The following MXRA7 variants were observed in gnomAD, a reference collection of about 807,000 sequenced individuals.
MXRA7 encodes the protein matrix-remodeling-associated protein 7.
In MXRA7, 18 loss-of-function variants were observed where a neutral mutation model predicts 17.4. That is an observed-to-expected ratio of 1.03 (90% CI 0.71 to 1.53). The LOEUF (loss-of-function observed/expected upper bound fraction) is 1.53. Among genes scored for constraint, MXRA7 ranks in the 40% most tolerant of loss-of-function variants. The probability of loss-of-function intolerance (pLI) is 0.00; values close to 1 mark genes in which losing one functional copy is unlikely to be tolerated. For synonymous variants in MXRA7, 70 were observed against 101.7 expected (o/e 0.69, Z 1.87); for missense variants, 141 against 209.3 (o/e 0.67, Z 2.01).
exon 4 of MXRA7, chr17:76,674,374 ATGAG>A (rs932428968): frequency 6.6e-6 from 1 of 152,208 alleles, no homozygotes; most frequent in African/African-American, 2.4e-5. Flanking sequence ...ACAATCTCAG[ATGAG>A]GTAGCAGAAA....
downstream of MXRA7, chr17:76,679,431 AT>A: frequency 5.2e-6 from 1 of 194,108 alleles, no homozygotes; most frequent in Non-Finnish European, 9.4e-6. Context: ...GTGACTGCAT[AT>A]TTTTTAACAG....
chr17:76,688,113 C>T lies in MXRA7; in HGVS notation c.406G>A (p.Gly136Arg), dbSNP rs148321731. ...TCATGAGCGCAGAGGTCCCACTCAC[C>T]GTCCTCCTCCTCAGGCCCTTCCGAT... ...PSSEGPEEED[G>R]EGFSFKYSPG... is the part of the protein sequence containing the mutation. The change falls in exon 2 of 4, where the codon GGA becomes AGA. Residue 136 changes from glycine to arginine, a missense_variant and splice_region_variant. Transcript: ENST00000449428. The T allele has an allele frequency of 7.8e-5, 126 of 1,613,412 alleles. No homozygotes were observed. The highest frequency in any genetic ancestry group is 9.6e-5 in the Non-Finnish European group (113 of 1,179,948).
chr17:76,702,859 A>ATATATATATACG (rs2076606270), intron 1 of MXRA7, among the ~76,000 whole-genome samples: 46 of 127,328 alleles, frequency 3.6e-4, no homozygotes, highest in African/African-American at 1.3e-3. Context: ...CTTAAAATAA[A>ATATATATATACG]TATATATATA....
chr17:76,710,516 G>C (rs2143701503), intron 1 of MXRA7, 89 bp downstream of exon 1: 1 of 1,097,938 alleles, frequency 9.1e-7, no homozygotes, highest in African/African-American at 1.7e-5. Context: ...GCTGGAGGCC[G>C]CGGCCCCGCT....
At chr17:76,683,279 CAA>C (rs1265181423) in intron 3 of MXRA7, among the ~76,000 whole-genome samples, 1 of 152,196 alleles carries the variant, frequency 6.6e-6, no homozygotes, top group Non-Finnish European at 1.5e-5. Context: ...CACTGCGGCA[CAA>C]AGAGGCACAG....
At chr17:76,672,996 C>T (rs1200062532) in exon 4 of MXRA7, 1 of 152,182 alleles carries the variant, frequency 6.6e-6, no homozygotes, top group Non-Finnish European at 1.5e-5. Context: ...GGGTGGGCCT[C>T]AAGTTACTTA....
At chr17:76,703,909 T>C (rs2143677966) in intron 1 of MXRA7, among the ~76,000 whole-genome samples, 1 of 151,868 alleles carries the variant, frequency 6.6e-6, no homozygotes, top group Non-Finnish European at 1.5e-5. Context: ...CATGCAGACA[T>C]TGTTTTAGCC....
At chr17:76,677,303 A>AAAC (rs2076248358), downstream of MXRA7, 13 of 194,052 alleles carry the variant, frequency 6.7e-5, no homozygotes, top group South Asian at 1.3e-4. Context: ...AACAAACAAA[A>AAAC]AAAGATTTGG....
Position 76,700,437 on chromosome 17 carries a change from C to A in MXRA7, c.342+10168G>T, listed in dbSNP as rs1470307137. On this transcript the variant is annotated intron_variant, in intron 1 of 3. Coordinates refer to ENST00000449428, the MANE Select transcript of MXRA7 (RefSeq NM_198530.4). The stretch of plus-strand genomic sequence containing the variant: ...CTACCTTACAGAGCAGTCTTCCTCT[C>A]TGGGGCATAACATAACAGCACGAGG... Among the ~76,000 whole-genome samples, 4 of 125,054 alleles carry A rather than the reference C, an allele frequency of 3.2e-5. No individual in the cohort carries two copies. The East Asian group carries it at 8.2e-4, about 26-fold the overall frequency. The allele number at this position is 125,054 out of a possible 152,430, so 82.0% of individuals were successfully genotyped here.
intron 1 of MXRA7, among the ~76,000 whole-genome samples, chr17:76,709,051 T>C (rs371394546): frequency 1.3e-5 from 2 of 152,150 alleles, no homozygotes; most frequent in African/African-American, 4.8e-5. Flanking sequence ...GTAGGTACCA[T>C]GTGCTGAGAG....
chr17:76,674,886 T>G (rs1327267154), downstream of MXRA7: 3 of 152,244 alleles, frequency 2.0e-5, no homozygotes, highest in African/African-American at 7.2e-5. Flanking sequence ...GCCCTTTTCT[T>G]GCTTCTGGAT....
intron 1 of MXRA7, among the ~76,000 whole-genome samples, chr17:76,707,624 A>G (rs1475791077): frequency 6.6e-6 from 1 of 152,126 alleles, no homozygotes; most frequent in Non-Finnish European, 1.5e-5. Context: ...CTATGAGCAG[A>G]GCTAGGCCCC....
At chr17:76,696,631 G>T (rs1598353551) in intron 1 of MXRA7, among the ~76,000 whole-genome samples, 1 of 152,174 alleles carries the variant, frequency 6.6e-6, no homozygotes, top group South Asian at 2.1e-4. Flanking sequence ...GCTGAGGTGG[G>T]AGGATTGCAA....
In MXRA7 at chr17:76,698,367, G is replaced by C. The variant is rs150954134; in HGVS notation, c.343-10191C>G. Reference sequence around the variant, plus strand: ...CTGCTCATCTTTTGCAATGGGCGGGGGGGGAGCAGCAAAGCCCAGCTGGCG... The same window carrying C: ...CTGCTCATCTTTTGCAATGGGCGGGCGGGGAGCAGCAAAGCCCAGCTGGCG... On this transcript the variant is annotated intron_variant, in intron 1 of 3. Transcript: ENST00000449428. 9.2e-5 allele frequency among the ~76,000 whole-genome samples: 14 copies of C among 152,256 alleles called. No homozygotes were observed. The South Asian group carries it at 1.0e-3, about 11-fold the overall frequency.
Position 76,680,895 on chromosome 17 carries a change from G to C in MXRA7, c.501-16C>G, listed in dbSNP as rs377011607. ...TTCTTCAGTTCTGTAAAGAGAAATG[G>C]GGAGAAAAAGATAATTTATTTTACT... On this transcript the variant is annotated splice_polypyrimidine_tract_variant and intron_variant, in intron 3 of 3. Coordinates refer to ENST00000449428, the MANE Select transcript of MXRA7 (RefSeq NM_198530.4). 1.9e-6 allele frequency: 3 copies of C among 1,586,762 alleles called. No individual in the cohort carries two copies. The highest frequency in any genetic ancestry group is 2.6e-6 in the Non-Finnish European group (3 of 1,158,034).
chr17:76,677,735 T>C, downstream of MXRA7: 1 of 1,531,038 alleles, frequency 6.5e-7, no homozygotes, highest in Non-Finnish European at 9.0e-7. Flanking sequence ...AGGAAGAAGG[T>C]GCTCCTAGCC....
At chr17:76,693,475 C>CAAAAAAAAAA (rs59677254) in intron 1 of MXRA7, among the ~76,000 whole-genome samples, 1 of 98,636 alleles carries the variant, frequency 1.0e-5, no homozygotes, top group African/African-American at 4.4e-5. Flanking sequence ...AGATCTGTCT[C>CAAAAAAAAAA]AAAAAAAAAA....
chr17:76,702,907 C>CTATATAT (rs2076612103), intron 1 of MXRA7, among the ~76,000 whole-genome samples: 1 of 62,532 alleles, frequency 1.6e-5, no homozygotes, highest in African/African-American at 5.2e-5. Context: ...GAGGCCTCAC[C>CTATATAT]ATAGGAAGAA....
At chr17:76,706,332 G>T (rs71383082) in intron 1 of MXRA7, among the ~76,000 whole-genome samples, 702 of 10,786 alleles carry the variant, frequency 0.065, 151 homozygotes, top group African/African-American at 0.13. Flanking sequence ...AAAGGACCAC[G>T]CTGCCATCAC....
Sources: allele counts gnomAD v4.1 joint callset (sites outside exome capture counted in the v4.1 genomes callset), GRCh38; gene constraint gnomAD v4.1.1; transcripts MANE v1.5; gene names NCBI Gene and HGNC (gene_info 2026-07-23, HGNC 2026-07-21).